The following HTT variants were observed in gnomAD, a reference collection of about 807,000 sequenced individuals.
HTT encodes huntington disease protein.
In HTT, 104 loss-of-function variants were observed where a neutral mutation model predicts 362.3. The ratio of observed to expected loss-of-function variants is 0.29; its 90% CI spans 0.24 to 0.34. HTT has a LOEUF of 0.34. Among genes scored for constraint, HTT ranks in the 10% least tolerant of loss-of-function variants. HTT has a pLI of 1.00. For missense variants in HTT, 3,301 were observed against 3,928.6 expected, an observed-to-expected ratio of 0.84 and a Z score of 4.27; for synonymous variants, 1,577 against 1,548.7, an observed-to-expected ratio of 1.02 and a Z score of -0.43.
intron 23 of HTT, among the ~76,000 whole-genome samples, chr4:3,143,281 A>G (rs2110200856): frequency 6.6e-6 from 1 of 152,078 alleles, no homozygotes; most frequent in African/African-American, 2.4e-5. Flanking sequence ...TACTAAAAAT[A>G]CAAAAATTAG....
chr4:3,086,591 A>G (rs946002904), intron 1 of HTT, among the ~76,000 whole-genome samples: 13 of 152,230 alleles, frequency 8.5e-5, no homozygotes, highest in Admixed American at 6.5e-5. Context: ...GGATCCTTTC[A>G]GCCTAGGAGT....
At chr4:3,239,704 A>G (rs1278365604) in intron 66 of HTT, 142 bp from the exon 67 acceptor site, 8 of 640,342 alleles carry the variant, frequency 1.2e-5, no homozygotes, top group Non-Finnish European at 1.9e-5. Context: ...GGAGGCATCC[A>G]GGTGGCCCTT....
In HTT at chr4:3,145,081, G is replaced by A. The variant is rs562030368; in HGVS notation, c.3067-71G>A. On this transcript the variant is annotated intron_variant, in intron 23 of 66. Transcript: ENST00000355072. ...CTCATTGTTTGTACTTTTTATAAAG[G>A]GTAACAGGAGATATAATTCAATAAA... The A allele has an allele frequency of 4.7e-5, 51 of 1,096,032 alleles. 1 individual carries two copies. The South Asian group carries it at 5.7e-4, about 12-fold the overall frequency. 67.9% of individuals were successfully genotyped at this position (1,096,032 alleles called of 1,614,324 possible).
chr4:3,088,195 T>G (rs1178163048), intron 2 of HTT, among the ~76,000 whole-genome samples: 10 of 150,494 alleles, frequency 6.6e-5, no homozygotes, highest in African/African-American at 2.2e-4. Context: ...TTTGTTTTTT[T>G]TTTTTTTTTG....
intron 60 of HTT, among the ~76,000 whole-genome samples, chr4:3,232,739 C>T (rs748748512): frequency 2.0e-5 from 3 of 152,262 alleles, no homozygotes; most frequent in Admixed American, 6.5e-5. Flanking sequence ...CGGGGTCGTG[C>T]AGGACGCACT....
At chr4:3,086,798 C>T in intron 1 of HTT, 141 bp from the exon 2 acceptor site, 2 of 543,958 alleles carry the variant, frequency 3.7e-6, no homozygotes, top group Non-Finnish European at 3.4e-6. Context: ...CTGTCCAGAT[C>T]CCCATTCTGC....
At chr4:3,085,513 G>C (rs1013758890) in intron 1 of HTT, among the ~76,000 whole-genome samples, 1 of 152,172 alleles carries the variant, frequency 6.6e-6, no homozygotes, top group Non-Finnish European at 1.5e-5. Context: ...TTCTTACCCT[G>C]TTTTTCCAGT....
At position 3,218,059 on chromosome 4, in the gene HTT, G is replaced by A; in HGVS notation, c.7242+107G>A. The A allele has an allele frequency of 1.0e-6, 1 of 978,424 alleles. No individual in the cohort carries two copies. The highest frequency in any genetic ancestry group is 1.5e-6 in the Non-Finnish European group (1 of 679,224). The allele number at this position is 978,424 out of a possible 1,614,324, so 60.6% of individuals were successfully genotyped here. A position where few individuals can be genotyped will look rare whatever the true frequency, so the allele number is the denominator to read the frequency against. ...GGGACAGAATCCCCGCAGCCCAGAG[G>A]CTGCCTGCTGTGGTTCTGGTGCCCA... On this transcript the variant is annotated intron_variant, in intron 52 of 66. Coordinates refer to ENST00000355072, the MANE Select transcript of HTT (RefSeq NM_001388492.1). This position sits in a 1 kb window ranked among gnomAD's most constrained non-coding sequence, Gnocchi z 4.4.
Position 3,222,434 on chromosome 4 carries a change from G to C in HTT, c.7417G>C (p.Gly2473Arg), listed in dbSNP as rs1458830997. ...QFEETWATLL[G>R]VLVTQPLVME... is the part of the protein sequence containing the mutation. ...TGAAGAAACTTGGGCCACCCTCCTT[G>C]GTGTCCTGGTGACGCAGCCCCTCGT... The change falls in exon 54 of 67, where the codon GGT (glycine) becomes CGT (arginine). Residue 2473 changes from glycine to arginine, a missense_variant. Around this residue, in one of 4 missense-constraint regions of HTT, gnomAD observed 753 missense variants for 1,021.3 expected, o/e 0.74. Transcript: ENST00000355072. The C allele has an allele frequency of 1.9e-6, 3 of 1,614,050 alleles. No homozygotes were observed. In the African/African-American group the frequency reaches 4.0e-5, roughly 22 times the overall value.
At chr4:3,105,891 TTA>T (rs1186987999) in intron 5 of HTT, among the ~76,000 whole-genome samples, 1 of 152,186 alleles carries the variant, frequency 6.6e-6, no homozygotes, top group Non-Finnish European at 1.5e-5. Flanking sequence ...ATAGTTTGGT[TTA>T]GTCAAAACAG....
chr4:3,154,737 T>G (rs572107840), intron 27 of HTT, among the ~76,000 whole-genome samples: 5 of 152,314 alleles, frequency 3.3e-5, no homozygotes, highest in Non-Finnish European at 5.9e-5. Context: ...CCTCCTGATT[T>G]TCAGTAAGGG....
chr4:3,172,885 A>T, intron 30 of HTT, 23 bp from the exon 31 acceptor site: 1 of 1,530,430 alleles, frequency 6.5e-7, no homozygotes, highest in Non-Finnish European at 9.1e-7. Flanking sequence ...CACATTGTTG[A>T]TGCCTCATTT....
chr4:3,172,973 C>G lies in HTT; in HGVS notation c.4008C>G (p.Ser1336Arg). ...SQFDGLSSNP[S>R]KSQGRAQRLG... The stretch of plus-strand genomic sequence containing the variant: ...TTGATGGCTTATCTTCCAACCCCAG[C>G]AAGTCACAAGGCCGAGCACAGCGCC... The change falls in exon 31 of 67, where the codon AGC becomes AGG. Residue 1336 changes from serine to arginine, a missense_variant. Coordinates refer to ENST00000355072, the MANE Select transcript of HTT (RefSeq NM_001388492.1). 6.2e-7 allele frequency: 1 copy of G among 1,614,232 alleles called. No homozygotes were observed. Among genetic ancestry groups the G allele is most frequent in the Non-Finnish European group, 8.5e-7 (1 of 1,180,038 alleles).
In HTT at chr4:3,228,487, T is replaced by G; in HGVS notation, c.7849-128T>G. ...TCCCTTGCCCGTAACCTGGGGTGTCTGAACGACCCTTGCTAAGGGGCAGAC... is the reference window on the plus strand; with the variant it reads ...TCCCTTGCCCGTAACCTGGGGTGTCGGAACGACCCTTGCTAAGGGGCAGAC... On this transcript the variant is annotated intron_variant, in intron 57 of 66. Coordinates refer to ENST00000355072, the MANE Select transcript of HTT (RefSeq NM_001388492.1). This position sits in a 1 kb window ranked among gnomAD's most constrained non-coding sequence, Gnocchi z 4.3. 1 of 1,104,422 alleles carries G rather than the reference T, an allele frequency of 9.1e-7. No individual in the cohort carries two copies. Among genetic ancestry groups the G allele is most frequent in the Non-Finnish European group, 1.2e-6 (1 of 801,178 alleles). The allele number at this position is 1,104,422 out of a possible 1,614,324, so 68.4% of individuals were successfully genotyped here. A position where few individuals can be genotyped will look rare whatever the true frequency, so the allele number is the denominator to read the frequency against.
chr4:3,136,186 T>TA, intron 20 of HTT, 40 bp from the exon 21 acceptor site: 1 of 1,390,300 alleles, frequency 7.2e-7, no homozygotes, highest in Non-Finnish European at 1.0e-6. Flanking sequence ...TTTAGTCAAA[T>TA]ACAAGATTAT....
chr4:3,214,769 ACTT>A (rs1720318871), intron 50 of HTT, among the ~76,000 whole-genome samples: 1 of 152,182 alleles, frequency 6.6e-6, no homozygotes, highest in African/African-American at 2.4e-5. Context: ...AGGGATTACT[ACTT>A]AAAAGCCAGA....
chr4:3,225,545 G>A (rs1043565975), intron 56 of HTT, 116 bp from the exon 57 acceptor site: 57 of 796,400 alleles, frequency 7.2e-5, no homozygotes, highest in African/African-American at 5.9e-4. Context: ...CAGTGGCGGC[G>A]AGGGCAGGTG....
In HTT at chr4:3,228,602, G is replaced by A. The variant is rs370915775; in HGVS notation, c.7849-13G>A. ...TGGCCGCAGCACTGAGCAGTGCCCCGTTTCTGTGGCAGGTGTCCATACACT... is the reference window on the plus strand; with the variant it reads ...TGGCCGCAGCACTGAGCAGTGCCCCATTTCTGTGGCAGGTGTCCATACACT... On this transcript the variant is annotated splice_polypyrimidine_tract_variant and intron_variant, in intron 57 of 66. Transcript: ENST00000355072. This position sits in a 1 kb window ranked among gnomAD's most constrained non-coding sequence, Gnocchi z 4.3. 2.4e-5 allele frequency: 37 copies of A among 1,549,502 alleles called. No individual in the cohort carries two copies. The East Asian group carries it at 3.6e-4, about 15-fold the overall frequency.
intron 40 of HTT, among the ~76,000 whole-genome samples, chr4:3,194,099 A>G (rs940229811): frequency 1.3e-5 from 2 of 152,230 alleles, no homozygotes; most frequent in Non-Finnish European, 2.9e-5. Flanking sequence ...TTAGCATGTA[A>G]AATTGGTAAT....
Sources: gnomAD v4.1 joint callset for allele counts (sites outside exome capture counted in the v4.1 genomes callset) on GRCh38, gnomAD v4.1.1 for gene constraint, gnomAD v4.1.1 regional missense constraint, Gnocchi (gnomAD v3.1) non-coding constraint, MANE v1.5 for transcripts, NCBI Gene and HGNC (gene_info 2026-07-23, HGNC 2026-07-21) for gene names.